The following CDYL variants were observed in gnomAD, a reference collection of about 807,000 sequenced individuals.
CDYL encodes chromodomain Y like.
In CDYL, 8 loss-of-function variants were observed where a neutral mutation model predicts 47.3. That is an observed-to-expected ratio of 0.17 (90% CI 0.10 to 0.31). The LOEUF (loss-of-function observed/expected upper bound fraction) is 0.31, where lower values mean the gene tolerates loss of function less well. Among genes scored for constraint, CDYL ranks in the 10% least tolerant of loss-of-function variants. The pLI is 1.00. For synonymous variants in CDYL, 266 were observed against 265.0 expected (o/e 1.00, Z -0.04); for missense variants, 471 against 701.4 (o/e 0.67, Z 3.71).
At chr6:4,906,822 T>C (rs1234494421) in intron 2 of CDYL, among the ~76,000 whole-genome samples, 1 of 143,130 alleles carries the variant, frequency 7.0e-6, no homozygotes. Flanking sequence ...GAGGTTGCCC[T>C]AGTAAAATTT....
chr6:4,830,934 C>T (rs1760124499), intron 1 of CDYL, among the ~76,000 whole-genome samples: 1 of 152,108 alleles, frequency 6.6e-6, no homozygotes, highest in Non-Finnish European at 1.5e-5. Context: ...GACCTGAGCT[C>T]ATCATTTTTT....
chr6:4,786,926 C>T (rs13362643), intron 1 of CDYL, among the ~76,000 whole-genome samples: 12,251 of 152,220 alleles, frequency 0.08, 1,459 homozygotes, highest in African/African-American at 0.26. Flanking sequence ...TGAGGCTTCA[C>T]TCCTCCTGTC....
chr6:4,897,790 G>T (rs115048007), intron 2 of CDYL, among the ~76,000 whole-genome samples: 95 of 140,230 alleles, frequency 6.8e-4, no homozygotes, highest in African/African-American at 1.9e-3. Context: ...GAAGGTTTTT[G>T]TTTTTTTTTT....
chr6:4,900,881 G>A (rs76898607), intron 2 of CDYL, among the ~76,000 whole-genome samples: 4,446 of 134,160 alleles, frequency 0.033, 310 homozygotes, highest in African/African-American at 0.12. Context: ...TGAACATTTC[G>A]TGAATGTACC....
chr6:4,837,507 C>T (rs1264487515), intron 1 of CDYL, among the ~76,000 whole-genome samples: 3 of 150,436 alleles, frequency 2.0e-5, no homozygotes, highest in Non-Finnish European at 4.4e-5. Context: ...CTCTGTCGCC[C>T]AGGCTGGAGT....
At chr6:4,905,095 C>G (rs192407212) in intron 2 of CDYL, among the ~76,000 whole-genome samples, 1 of 152,170 alleles carries the variant, frequency 6.6e-6, no homozygotes, top group African/African-American at 2.4e-5. Flanking sequence ...GAGAAGTCCA[C>G]GTTGGATAAA....
intron 1 of CDYL, among the ~76,000 whole-genome samples, chr6:4,852,541 TTC>T (rs1760877467): frequency 8.5e-6 from 1 of 118,136 alleles, no homozygotes; most frequent in East Asian, 2.7e-4. Flanking sequence ...CCAATCTTCC[TTC>T]CTTCCTTCCT....
chr6:4,755,828 C>T (rs891985556), intron 3 of CDYL, among the ~76,000 whole-genome samples: 1 of 152,122 alleles, frequency 6.6e-6, no homozygotes, highest in African/African-American at 2.4e-5. Context: ...TACTGCAAAA[C>T]TTGAACTCAA....
rs571138460 is a variant in CDYL, at chr6:4,852,585, TTCCTTCCTCCTTCCTTCC to T, written c.25-39119_25-39102del. Among the ~76,000 whole-genome samples, 573 of 139,736 alleles carry T rather than the reference TTCCTTCCTCCTTCCTTCC, an allele frequency of 4.1e-3. 37 individuals are homozygous for T. The highest frequency in any genetic ancestry group is 0.017 in the African/African-American group (541 of 31,962). The allele number at this position is 139,736 out of a possible 152,430, so 91.7% of individuals were successfully genotyped here. A position where few individuals can be genotyped will look rare whatever the true frequency, so the allele number is the denominator to read the frequency against. ...CAATCTTCCTTCCTTCCTTCCAATCTTCCTTCCTCCTTCCTTCCTCCTTCCTTCCTTCCTTCCTGTTTA... is the reference window on the plus strand; with the variant it reads ...CAATCTTCCTTCCTTCCTTCCAATCTTCCTTCCTTCCTTCCTTCCTGTTTA... On this transcript the variant is annotated intron_variant, in intron 1 of 6. Transcript: ENST00000397588.
chr6:4,902,771 C>T (rs1334703160), intron 2 of CDYL, among the ~76,000 whole-genome samples: 1 of 152,138 alleles, frequency 6.6e-6, no homozygotes, highest in Non-Finnish European at 1.5e-5. Flanking sequence ...GGCTCTTTTG[C>T]CTTGGGTGCA....
intron 1 of CDYL, among the ~76,000 whole-genome samples, chr6:4,777,881 G>A (rs115745311): frequency 1.2e-4 from 18 of 152,322 alleles, no homozygotes; most frequent in African/African-American, 4.3e-4. Context: ...AGTGTTTGCA[G>A]AAGTTCTCAG....
intron 2 of CDYL, among the ~76,000 whole-genome samples, chr6:4,929,336 T>C (rs1211963164): frequency 6.6e-6 from 1 of 152,168 alleles, no homozygotes; most frequent in East Asian, 1.9e-4. Flanking sequence ...CTGTAATCTT[T>C]TTGTTCTCAT....
intron 3 of CDYL, among the ~76,000 whole-genome samples, chr6:4,740,072 A>G (rs1416905976): frequency 6.6e-6 from 1 of 152,222 alleles, no homozygotes; most frequent in African/African-American, 2.4e-5. Flanking sequence ...AATTTTCCCA[A>G]AAAAAGCAGT....
chr6:4,823,598 C>G (rs143290854), intron 1 of CDYL, among the ~76,000 whole-genome samples: 14 of 151,422 alleles, frequency 9.2e-5, no homozygotes, highest in Middle Eastern at 3.5e-3. Context: ...ACTTTGTAAC[C>G]GTAAAATGTA....
At chr6:4,788,319 G>A (rs186439087) in intron 1 of CDYL, among the ~76,000 whole-genome samples, 228 of 151,754 alleles carry the variant, frequency 1.5e-3, no homozygotes, top group African/African-American at 5.2e-3. Context: ...GTAAAACCGC[G>A]TTTCTGCTAA....
chr6:4,826,801 T>A (rs1320396481), intron 1 of CDYL, among the ~76,000 whole-genome samples: 1 of 152,234 alleles, frequency 6.6e-6, no homozygotes. Context: ...CTTAAGAAGG[T>A]ATATTCTGCT....
chr6:4,793,872 G>T lies in CDYL; in HGVS notation c.24+17065G>T, dbSNP rs1235367326. On this transcript the variant is annotated intron_variant, in intron 1 of 6. Transcript: ENST00000397588. ...GGGGTTGAGTAACTAGAGTGGACTTGCCATTTACTGAGATGGGGGTTCATG... is the reference window on the plus strand; with the variant it reads ...GGGGTTGAGTAACTAGAGTGGACTTTCCATTTACTGAGATGGGGGTTCATG... Among the ~76,000 whole-genome samples the T allele has an allele frequency of 2.0e-5, 3 of 152,186 alleles. No individual in the cohort carries two copies. The East Asian group carries it at 5.8e-4, about 29-fold the overall frequency.
At chr6:4,897,901 A>G (rs1296789056) in intron 2 of CDYL, among the ~76,000 whole-genome samples, 1 of 151,580 alleles carries the variant, frequency 6.6e-6, no homozygotes, top group Admixed American at 6.6e-5. Flanking sequence ...TAAAAATACA[A>G]AAAAAATTAG....
chr6:4,868,499 T>C (rs778429767), intron 1 of CDYL, among the ~76,000 whole-genome samples: 8 of 152,156 alleles, frequency 5.3e-5, no homozygotes, highest in Non-Finnish European at 1.0e-4. Context: ...TTGACTATTA[T>C]GTGTCCAGGT....
Sources: allele counts gnomAD v4.1 joint callset (sites outside exome capture counted in the v4.1 genomes callset), GRCh38; gene constraint gnomAD v4.1.1; transcripts MANE v1.5; gene names NCBI Gene and HGNC (gene_info 2026-07-23, HGNC 2026-07-21).